INTS5: variants seen among roughly 807,000 people sequenced by gnomAD.
INTS5 encodes KIAA1698.
INTS5 carries 29 observed loss-of-function variants against 60.0 expected under a neutral mutation model. The observed-to-expected ratio is 0.48, with a 90% CI of 0.36 to 0.66. The LOEUF (loss-of-function observed/expected upper bound fraction) is 0.66. Ranked by LOEUF, INTS5 falls within the 30% of genes least tolerant of loss-of-function variation. The probability of loss-of-function intolerance (pLI) is 0.00; values close to 1 mark genes in which losing one functional copy is unlikely to be tolerated. For missense variants in INTS5, 1,129 were observed against 1,307.9 expected (o/e 0.86, Z 2.11); for synonymous variants, 588 against 558.8 (o/e 1.05, Z -0.74).
chr11:62,647,900 G>A lies in INTS5; in HGVS notation c.2180C>T (p.Ser727Phe), dbSNP rs1454678636. 6 of 1,614,234 alleles carry A rather than the reference G, an allele frequency of 3.7e-6. No homozygotes were observed. The highest frequency in any genetic ancestry group is 5.1e-6 in the Non-Finnish European group (6 of 1,180,036). Residue 727 changes from serine to phenylalanine, a missense_variant, in exon 2 of 2, where the codon TCC becomes TTC. Ser to Phe is a radical substitution (Grantham distance 155). Around this residue, in one of 3 missense-constraint regions of INTS5, gnomAD observed 1,070 missense variants for 1,246.1 expected, o/e 0.86. Coordinates refer to ENST00000330574, the MANE Select transcript of INTS5 (RefSeq NM_030628.2). ...GTGCCTCCGGTTAGTGTCCAACAGG[G>A]AGGCAGAAGCCAAAGAAGCTGAAAC... Reference protein sequence around the residue: ...SVVSASLASASLLDTNRRHTA... With the variant: ...SVVSASLASAFLLDTNRRHTA...
chr11:62,648,401 C>T lies in INTS5; in HGVS notation c.1679G>A (p.Arg560Gln), dbSNP rs1479868649. 7 of 1,614,046 alleles carry T rather than the reference C, an allele frequency of 4.3e-6. No individual in the cohort carries two copies. The highest frequency in any genetic ancestry group is 4.5e-5 in the East Asian group (2 of 44,892). ...LPLAFRSCLA[R>Q]VHAGTLQPPF... is the part of the protein sequence containing the mutation. ...AGGCTGTAATGTCCCTGCATGCACC[C>T]GAGCCAGACAGCTTCGGAAAGCCAG... The change falls in exon 2 of 2, where the codon CGG (arginine) becomes CAG (glutamine). Residue 560 changes from arginine to glutamine, a missense_variant. Transcript: ENST00000330574. This position sits in a 1 kb window ranked among gnomAD's most constrained non-coding sequence, Gnocchi z 4.4.
At chr11:62,652,014 A>G (rs935766558) in intron 1 of INTS5, among the ~76,000 whole-genome samples, 1 of 151,922 alleles carries the variant, frequency 6.6e-6, no homozygotes, top group Non-Finnish European at 1.5e-5. Context: ...TGTTTCTATA[A>G]TATCTGCTTT....
In INTS5 at chr11:62,647,616, GAC is replaced by G. The variant is rs760495337; in HGVS notation, c.2462_2463del (p.Cys821SerfsTer38). ...GCCAGCTCTGCACCAGCTGCATCGG[GAC>G]ACACACTCTCCACCAAGGTCACTGC... Reference protein sequence around the residue: ...AVAVTLVESVCPDAAGAELAW... With the variant: ...AVAVTLVESVXPDAAGAELAW... On this transcript the variant is annotated frameshift_variant, in exon 2 of 2. Transcript: ENST00000330574. LOFTEE classifies it high-confidence loss of function. 2 of 1,614,034 alleles carry G rather than the reference GAC, an allele frequency of 1.2e-6. No homozygotes were observed. Among genetic ancestry groups the G allele is most frequent in the Non-Finnish European group, 8.5e-7 (1 of 1,180,034 alleles).
intron 1 of INTS5, 34 bp downstream of exon 1, chr11:62,653,136 G>A (rs1410876262): frequency 6.6e-6 from 8 of 1,208,986 alleles, no homozygotes; most frequent in Non-Finnish European, 8.4e-6. Context: ...GCGGGGCCGC[G>A]CGATGGGGGG....
Position 62,653,097 on chromosome 11 carries a change from G to T in INTS5, c.80+73C>A, listed in dbSNP as rs529582965. The T allele has an allele frequency of 7.7e-5, 73 of 947,876 alleles. 1 individual carries two copies. Among genetic ancestry groups the T allele is most frequent in the Non-Finnish European group, 9.9e-5 (71 of 714,328 alleles). 58.7% of individuals were successfully genotyped at this position (947,876 alleles called of 1,614,324 possible). On this transcript the variant is annotated intron_variant, in intron 1 of 1. Coordinates refer to ENST00000330574, the MANE Select transcript of INTS5 (RefSeq NM_030628.2). ...ACGTGAGTTCTCGAGGTAGGATCCG[G>T]GTTTCTACCGAGAAGGCTAGGGATC... is the stretch of plus-strand genomic sequence containing the variant.
At position 62,647,067 on chromosome 11, in the gene INTS5, G is replaced by A; in HGVS notation, c.3013C>T (p.Arg1005Cys). The stretch of plus-strand genomic sequence containing the variant: ...GTGGACGGTGAAGGTGCCTGGAAAC[G>A]GCCAGAGAAAAGACCTAGGCGGTCG... ...NIDRLGLFSG[R>C]FQAPSPSTLL... is the part of the protein sequence containing the mutation. Residue 1005 changes from arginine (R) to cysteine (C), a missense_variant, in exon 2 of 2, where the codon CGT (arginine) becomes TGT (cysteine). Physicochemically the swap from Arg to Cys is radical, Grantham distance 180. Coordinates refer to ENST00000330574, the MANE Select transcript of INTS5 (RefSeq NM_030628.2). The A allele has an allele frequency of 6.2e-7, 1 of 1,613,772 alleles. No homozygotes were observed.
In INTS5 at chr11:62,647,568, G is replaced by A. The variant is rs1228874159; in HGVS notation, c.2512C>T (p.Arg838Trp). Residue 838 changes from arginine to tryptophan, a missense_variant, in exon 2 of 2, where the codon CGG (arginine) becomes TGG (tryptophan). By Grantham distance (101) the Arg-to-Trp change is moderately radical. Transcript: ENST00000330574. ...ELAWPPEEHA[R>W]ATVERDLRIG... ...CGGAGATCCCGCTCCACGGTGGCCC[G>A]GGCGTGTTCCTCGGGGGGCCAGGCC... 2 of 1,613,746 alleles carry A rather than the reference G, an allele frequency of 1.2e-6. No homozygotes were observed. Among genetic ancestry groups the A allele is most frequent in the Non-Finnish European group, 1.7e-6 (2 of 1,180,020 alleles).
At position 62,647,602 on chromosome 11, in the gene INTS5, A is replaced by C. The variant is rs1590836322; in HGVS notation, c.2478T>G (p.Gly826=). The C allele has an allele frequency of 1.2e-6, 2 of 1,613,966 alleles. No individual in the cohort carries two copies. Among genetic ancestry groups the C allele is most frequent in the Non-Finnish European group, 1.7e-6 (2 of 1,180,028 alleles). The change falls in exon 2 of 2, where the codon GGT becomes GGG. Residue 826 remains glycine, a synonymous_variant. Coordinates refer to ENST00000330574, the MANE Select transcript of INTS5 (RefSeq NM_030628.2). ...LVESVCPDAA[G]AELAWPPEEH... is the part of the protein sequence containing the mutation. ...CCTCGGGGGGCCAGGCCAGCTCTGC[A>C]CCAGCTGCATCGGGACACACACTCT...
intron 1 of INTS5, 63 bp downstream of exon 1, chr11:62,653,107 G>A: frequency 7.7e-6 from 8 of 1,044,806 alleles, no homozygotes; most frequent in Admixed American, 4.3e-5. Flanking sequence ...GGTTTCTACC[G>A]AGAAGGCTAG....
chr11:62,652,411 C>A (rs556876503), intron 1 of INTS5, among the ~76,000 whole-genome samples: 10 of 143,208 alleles, frequency 7.0e-5, no homozygotes, highest in Admixed American at 4.1e-4. Context: ...ACCTTGAAAT[C>A]TCTTAATGGG....
Position 62,649,815 on chromosome 11 carries a change from G to C in INTS5, c.265C>G (p.Leu89Val), listed in dbSNP as rs753488216. 6.2e-7 allele frequency: 1 copy of C among 1,614,052 alleles called. No homozygotes were observed. The highest frequency in any genetic ancestry group is 8.5e-7 in the Non-Finnish European group (1 of 1,179,988). Residue 89 changes from leucine (L) to valine (V), a missense_variant, in exon 2 of 2, where the codon CTG becomes GTG. By Grantham distance (32) the Leu-to-Val change is conservative. Coordinates refer to ENST00000330574, the MANE Select transcript of INTS5 (RefSeq NM_030628.2). This position sits in a 1 kb window ranked among gnomAD's most constrained non-coding sequence, Gnocchi z 6.0. ...GVFDESVRAH[L>V]AALDETPVAG... is the part of the protein sequence containing the mutation. ...ACAGGGGTTTCATCCAGGGCAGCCA[G>C]GTGGGCCCGGACACTCTCATCAAAG...
chr11:62,650,466 G>A (rs1565120622), intron 1 of INTS5, among the ~76,000 whole-genome samples: 2 of 151,976 alleles, frequency 1.3e-5, no homozygotes, highest in Non-Finnish European at 2.9e-5. Flanking sequence ...AGGCTGGAGT[G>A]CAGTGGCGCC....
At position 62,646,862 on chromosome 11, in the gene INTS5, T is replaced by G. The variant is rs1289337256; in HGVS notation, c.*158A>C. The G allele has an allele frequency of 1.3e-6, 1 of 763,502 alleles. No homozygotes were observed. The highest frequency in any genetic ancestry group is 2.1e-6 in the Non-Finnish European group (1 of 480,478). The allele number at this position is 763,502 out of a possible 1,614,324, so 47.3% of individuals were successfully genotyped here. A position where few individuals can be genotyped will look rare whatever the true frequency, so the allele number is the denominator to read the frequency against. On this transcript the variant is annotated 3_prime_UTR_variant, in exon 2 of 2. Transcript: ENST00000330574. ...AAGCACTGGACTGGTTTTCTCAAGT[T>G]GGCAAATTTTATTTAGAAAAAAAAA...
In INTS5 at chr11:62,648,367, C is replaced by G. The variant is rs183259236; in HGVS notation, c.1713G>C (p.Thr571=). 6.9e-5 allele frequency: 111 copies of G among 1,614,036 alleles called. 1 individual carries two copies. The African/African-American group carries it at 1.0e-3, about 15-fold the overall frequency. The change falls in exon 2 of 2, where the codon ACG becomes ACC. Residue 571 remains threonine (T), a synonymous_variant. Transcript: ENST00000330574. The surrounding 1 kb of genome is among the most constrained non-coding windows in gnomAD (Gnocchi z 4.4). ...VHAGTLQPPF[T]ARFLRNLALL... ...GTGCCAAGTTGCGCAGGAACCGGGC[C>G]GTGAAGGGAGGCTGTAATGTCCCTG...
Position 62,648,033 on chromosome 11 carries a change from C to A in INTS5, c.2047G>T (p.Ala683Ser). ...AGCTGCAGGACAGCCTTGAGCCCAG[C>A]TGGGGATGTCTGAGACAGGCGGGTG... The part of the protein sequence containing the change: ...LLTRLSQTSP[A>S]GLKAVLQLLV... The change falls in exon 2 of 2, where the codon GCT (alanine) becomes TCT (serine). Residue 683 changes from alanine (A) to serine (S), a missense_variant. Ala to Ser is a moderately conservative substitution (Grantham distance 99). Coordinates refer to ENST00000330574, the MANE Select transcript of INTS5 (RefSeq NM_030628.2). The surrounding 1 kb of genome is among the most constrained non-coding windows in gnomAD (Gnocchi z 4.4). 6.2e-7 allele frequency: 1 copy of A among 1,614,180 alleles called. No individual in the cohort carries two copies. Among genetic ancestry groups the A allele is most frequent in the South Asian group, 1.1e-5 (1 of 91,088 alleles).
rs200022143 is a variant in INTS5 at position 62,647,266 on chromosome 11, C to T, written c.2814G>A (p.Glu938=). ...AGACACTGAGCAGCAGCAGACGCAC[C>T]TCGAAAGGTGCCAGTTGGCTAAATA... The part of the protein sequence containing the change: ...HEVFSQLAPF[E]VRLLLLSVWG... Residue 938 remains glutamate (E), a synonymous_variant, in exon 2 of 2, where the codon GAG becomes GAA. Coordinates refer to ENST00000330574, the MANE Select transcript of INTS5 (RefSeq NM_030628.2). The T allele has an allele frequency of 3.7e-5, 59 of 1,614,222 alleles. No homozygotes were observed. In the South Asian group the frequency reaches 5.8e-4, roughly 16 times the overall value.
chr11:62,653,023 AG>A, intron 1 of INTS5, 146 bp downstream of exon 1: 1 of 484,850 alleles, frequency 2.1e-6, no homozygotes. Context: ...GTTTTGGTGA[AG>A]CAGTCCCTGA....
Position 62,653,270 on chromosome 11 carries a change from C to G in INTS5, c.-21G>C. The G allele has an allele frequency of 9.7e-6, 12 of 1,242,092 alleles. No individual in the cohort carries two copies. The highest frequency in any genetic ancestry group is 1.2e-5 in the Non-Finnish European group (12 of 986,662). The allele number at this position is 1,242,092 out of a possible 1,614,324, so 76.9% of individuals were successfully genotyped here. The stretch of plus-strand genomic sequence containing the variant: ...GACATCCCGGAGCCCGAGCCGAGCC[C>G]GAGGCGCGAGCGGCGGAGCGCAGGC... On this transcript the variant is annotated 5_prime_UTR_variant, in exon 1 of 2. Transcript: ENST00000330574.
chr11:62,648,577 C>G lies in INTS5; in HGVS notation c.1503G>C (p.Gln501His). Residue 501 changes from glutamine (Q) to histidine (H), a missense_variant, in exon 2 of 2, where the codon CAG (glutamine) becomes CAC (histidine). Physicochemically the swap from Gln to His is conservative, Grantham distance 24 (BLOSUM62 0). Around this residue, in one of 3 missense-constraint regions of INTS5, gnomAD observed 1,070 missense variants for 1,246.1 expected, o/e 0.86. Coordinates refer to ENST00000330574, the MANE Select transcript of INTS5 (RefSeq NM_030628.2). This position sits in a 1 kb window ranked among gnomAD's most constrained non-coding sequence, Gnocchi z 4.4. ...TATAGACAGACAGCAGGCCCAAGAGCTGGTGCTGCCAGAGGAAGCGCTTCC... is the reference window on the plus strand; with the variant it reads ...TATAGACAGACAGCAGGCCCAAGAGGTGGTGCTGCCAGAGGAAGCGCTTCC... Reference protein sequence around the residue: ...LERKRFLWQHQLLGLLSVYTR... With the variant: ...LERKRFLWQHHLLGLLSVYTR... 6.2e-7 allele frequency: 1 copy of G among 1,614,134 alleles called. No homozygotes were observed.
Sources: allele counts gnomAD v4.1 joint callset (sites outside exome capture counted in the v4.1 genomes callset), GRCh38; gene constraint gnomAD v4.1.1; regional missense constraint gnomAD v4.1.1; non-coding constraint Gnocchi (gnomAD v3.1); transcripts MANE v1.5; gene names NCBI Gene and HGNC (gene_info 2026-07-23, HGNC 2026-07-21).